PCBD2: variants seen among roughly 807,000 people sequenced by gnomAD.
The protein encoded by PCBD2 is pterin-4-alpha-carbinolamine dehydratase 2.
PCBD2 carries 12 observed loss-of-function variants against 16.4 expected under a neutral mutation model. The observed-to-expected ratio is 0.73, with a 90% CI of 0.47 to 1.19. The LOEUF is 1.19. Among genes scored for constraint, PCBD2 ranks in the 50% most tolerant of loss-of-function variants. The probability of loss-of-function intolerance (pLI) is 0.00; values close to 1 mark genes in which losing one functional copy is unlikely to be tolerated. For missense variants in PCBD2, 138 were observed against 156.8 expected (o/e 0.88, Z 0.64); for synonymous variants, 58 against 61.8 (o/e 0.94, Z 0.29).
intron 1 of PCBD2, among the ~76,000 whole-genome samples, chr5:134,907,709 A>G (rs956167081): frequency 2.8e-5 from 4 of 143,464 alleles, no homozygotes; most frequent in East Asian, 2.2e-4. Context: ...TGCAACCTCT[A>G]TCATCCGGGT....
At chr5:134,920,204 A>G (rs892559799) in intron 2 of PCBD2, among the ~76,000 whole-genome samples, 1 of 152,198 alleles carries the variant, frequency 6.6e-6, no homozygotes, top group Non-Finnish European at 1.5e-5. Flanking sequence ...GATCTAGGTT[A>G]GAGTGGGGCA....
At chr5:134,950,172 G>C (rs1751342525) in intron 2 of PCBD2, among the ~76,000 whole-genome samples, 1 of 152,206 alleles carries the variant, frequency 6.6e-6, no homozygotes, top group Non-Finnish European at 1.5e-5. Flanking sequence ...ATAAACAATA[G>C]ATGTCTAATT....
At chr5:134,906,429 C>G (rs573801948) in intron 1 of PCBD2, among the ~76,000 whole-genome samples, 1 of 151,946 alleles carries the variant, frequency 6.6e-6, no homozygotes, top group Non-Finnish European at 1.5e-5. Context: ...TGGTCTCGAT[C>G]TCCTGACCTC....
intron 2 of PCBD2, among the ~76,000 whole-genome samples, chr5:134,943,023 C>T (rs1751247563): frequency 6.6e-6 from 1 of 152,178 alleles, no homozygotes; most frequent in Non-Finnish European, 1.5e-5. Context: ...TTAGTACGGT[C>T]AGTTCTGTAA....
At position 134,962,226 on chromosome 5, in the gene PCBD2, C is replaced by T. The variant is rs550280636; in HGVS notation, c.*1545C>T. The stretch of plus-strand genomic sequence containing the variant: ...CTCACCTCAGCCTCCTGAGTAGCAG[C>T]GGTTACAGGCATGCATCACCACACC... On this transcript the variant is annotated 3_prime_UTR_variant, in exon 4 of 4. Transcript: ENST00000254908. Among the ~76,000 whole-genome samples the T allele has an allele frequency of 1.1e-4, 16 of 151,922 alleles. No homozygotes were observed. Among genetic ancestry groups the T allele is most frequent in the Non-Finnish European group, 2.2e-4 (15 of 67,980 alleles).
At chr5:134,952,747 A>T (rs1165568493) in intron 2 of PCBD2, among the ~76,000 whole-genome samples, 1 of 152,114 alleles carries the variant, frequency 6.6e-6, no homozygotes, top group South Asian at 2.1e-4. Context: ...TCAAGGTTGC[A>T]GTAAGCTATA....
rs370482180 is a variant in PCBD2, at chr5:134,910,352, G to T, written c.102G>T (p.Arg34Ser). 12 of 1,613,928 alleles carry T rather than the reference G, an allele frequency of 7.4e-6. No homozygotes were observed. Among genetic ancestry groups the T allele is most frequent in the Non-Finnish European group, 1.0e-5 (12 of 1,179,950 alleles). ...CTTCATAGTCATCAGGTACTCACAG[G>T]TTGACTGCAGAGGAGAGGAACCAAG... is the stretch of plus-strand genomic sequence containing the variant. ...GLAAMSSGTHRLTAEERNQAI... is the reference protein window; with the variant it reads ...GLAAMSSGTHSLTAEERNQAI... Residue 34 changes from arginine (R) to serine (S), a missense_variant, in exon 2 of 4, where the codon AGG (arginine) becomes AGT (serine). Transcript: ENST00000254908.
chr5:134,934,273 T>A (rs192428521), intron 2 of PCBD2, among the ~76,000 whole-genome samples: 3,004 of 149,926 alleles, frequency 0.02, 36 homozygotes, highest in Non-Finnish European at 0.023. Context: ...ATAATGATTT[T>A]AAAAAAAAAA....
Position 134,959,545 on chromosome 5 carries a change from G to A in PCBD2, c.297+425G>A, listed in dbSNP as rs543880408. ...AAATTTTGTATCCTGCGTAGGAAAT[G>A]ACCTTATTTAAGACAAAGGACAGAC... On this transcript the variant is annotated intron_variant, in intron 3 of 3. Transcript: ENST00000254908. Among the ~76,000 whole-genome samples the A allele has an allele frequency of 5.3e-5, 8 of 152,280 alleles. No homozygotes were observed. The South Asian group carries it at 8.3e-4, about 16-fold the overall frequency.
chr5:134,926,981 G>C lies in PCBD2; in HGVS notation c.216+16515G>C, dbSNP rs561815770. Reference sequence around the variant, plus strand: ...GAAGTCATCAAAAGGCTATTAGTGGGAGTAGGGTTTGAAGTCCTTGAGAGA... The same window carrying C: ...GAAGTCATCAAAAGGCTATTAGTGGCAGTAGGGTTTGAAGTCCTTGAGAGA... On this transcript the variant is annotated intron_variant, in intron 2 of 3. Transcript: ENST00000254908. The C allele has an allele frequency of 1.5e-3, 606 of 398,466 alleles. 1 individual carries two copies. Among genetic ancestry groups the C allele is most frequent in the African/African-American group, 0.012 (572 of 48,688 alleles). 24.7% of individuals were successfully genotyped at this position (398,466 alleles called of 1,614,324 possible).
chr5:134,914,456 C>T (rs319594), intron 2 of PCBD2, among the ~76,000 whole-genome samples: 120,534 of 151,950 alleles, frequency 0.79, 48,172 homozygotes, highest in African/African-American at 0.89. Flanking sequence ...TGTTTTTTTT[C>T]CTGCTGTGTT....
chr5:134,911,163 C>T (rs1750764474), intron 2 of PCBD2, among the ~76,000 whole-genome samples: 1 of 152,162 alleles, frequency 6.6e-6, no homozygotes, highest in African/African-American at 2.4e-5. Flanking sequence ...ACTTATTTTC[C>T]CTGACTTTTT....
chr5:134,925,663 A>G, intron 2 of PCBD2: 1 of 397,368 alleles, frequency 2.5e-6, no homozygotes, highest in Non-Finnish European at 4.4e-6. Context: ...ATTCTCTGCT[A>G]GGGGGTGGAA....
intron 2 of PCBD2, among the ~76,000 whole-genome samples, chr5:134,938,635 A>G (rs192923863): frequency 3.0e-4 from 45 of 152,264 alleles, no homozygotes; most frequent in African/African-American, 1.0e-3. Flanking sequence ...ATTGTGTGTG[A>G]GAGTGGAGAA....
At chr5:134,923,892 A>C (rs750760807) in intron 2 of PCBD2, 6 of 394,404 alleles carry the variant, frequency 1.5e-5, no homozygotes, top group Non-Finnish European at 2.2e-5. Flanking sequence ...TGAGTAGTGT[A>C]TGGCTAGGAA....
intron 2 of PCBD2, among the ~76,000 whole-genome samples, chr5:134,914,541 A>G (rs908282538): frequency 1.1e-4 from 16 of 152,182 alleles, no homozygotes; most frequent in Admixed American, 9.8e-4. Flanking sequence ...AATGAATGCA[A>G]TGGAGGAACA....
At chr5:134,953,595 G>C (rs1410041820) in intron 2 of PCBD2, among the ~76,000 whole-genome samples, 1 of 152,094 alleles carries the variant, frequency 6.6e-6, no homozygotes, top group Non-Finnish European at 1.5e-5. Flanking sequence ...AGGAGTTCAA[G>C]ACCAGCTGGG....
chr5:134,926,896 CAG>C, intron 2 of PCBD2: 1 of 398,378 alleles, frequency 2.5e-6, no homozygotes, highest in East Asian at 3.6e-5. Context: ...GTTACTAGCA[CAG>C]AGAGTTCTCC....
chr5:134,942,781 A>G (rs1751244952), intron 2 of PCBD2, among the ~76,000 whole-genome samples: 1 of 152,034 alleles, frequency 6.6e-6, no homozygotes, highest in South Asian at 2.1e-4. Context: ...ATCTCATCTT[A>G]CCTAGATGGG....
Sources: gnomAD v4.1 joint callset for allele counts (sites outside exome capture counted in the v4.1 genomes callset) on GRCh38, gnomAD v4.1.1 for gene constraint, MANE v1.5 for transcripts, NCBI Gene and HGNC (gene_info 2026-07-23, HGNC 2026-07-21) for gene names.